Variants in NPIPB2 observed in about 807,000 individuals in gnomAD.
NPIPB2 encodes the protein nuclear pore complex interacting protein family member B2, also known as nuclear pore complex-interacting protein family member B2.
A neutral mutation model predicts 30.8 loss-of-function variants in NPIPB2; 27 were observed. The ratio of observed to expected loss-of-function variants is 0.88; its 90% confidence interval spans 0.65 to 1.21. The LOEUF (loss-of-function observed/expected upper bound fraction) is 1.21. NPIPB2 is among the 50% of genes most tolerant of loss of function. The pLI, the probability that NPIPB2 is intolerant of heterozygous loss-of-function variation, is 0.00. For missense variants in NPIPB2, 440 were observed against 446.2 expected (o/e 0.99, Z 0.13); for synonymous variants, 147 against 162.0 (o/e 0.91, Z 0.70).
chr16:11,964,228 G>GTTT (rs1319099537), intron 1 of NPIPB2, among the ~76,000 whole-genome samples: 13 of 144,938 alleles, frequency 9.0e-5, no homozygotes, highest in African/African-American at 3.5e-4. Context: ...TTTTTAAAAT[G>GTTT]GTTTTATCTG....
chr16:11,954,646 G>T (rs914891431), intron 1 of NPIPB2, among the ~76,000 whole-genome samples: 1 of 151,654 alleles, frequency 6.6e-6, no homozygotes, highest in Non-Finnish European at 1.5e-5. Context: ...GGTGGCTCAC[G>T]CCTCTAATCC....
chr16:11,973,976 G>A (rs558044742), intron 1 of NPIPB2, among the ~76,000 whole-genome samples: 8 of 152,170 alleles, frequency 5.3e-5, no homozygotes, highest in Non-Finnish European at 1.2e-4. Flanking sequence ...TTCTGAGAGG[G>A]TCTTTATCTT....
chr16:11,965,952 A>G (rs549383916), intron 1 of NPIPB2, among the ~76,000 whole-genome samples: 2 of 152,270 alleles, frequency 1.3e-5, no homozygotes, highest in East Asian at 3.9e-4. Flanking sequence ...TCTACTAAAA[A>G]TACAAAAAAT....
intron 1 of NPIPB2, among the ~76,000 whole-genome samples, chr16:11,952,524 C>T (rs2055076648): frequency 6.6e-6 from 1 of 151,542 alleles, no homozygotes; most frequent in Non-Finnish European, 1.5e-5. Flanking sequence ...CTAACCCCTA[C>T]ACCCGAAACT....
upstream of NPIPB2, chr16:11,942,116 T>C: frequency 6.5e-7 from 1 of 1,532,138 alleles, no homozygotes; most frequent in East Asian, 2.4e-5. Context: ...TCCATCAACC[T>C]GTATCTCAGG....
At chr16:11,938,937 A>G (rs7198016) in intron 1 of NPIPB2, among the ~76,000 whole-genome samples, 3 of 150,984 alleles carry the variant, frequency 2.0e-5, no homozygotes, top group African/African-American at 7.3e-5. Flanking sequence ...TAGTAGAAAC[A>G]GGGTTTCACC....
chr16:11,965,258 T>C, intron 1 of NPIPB2: 1 of 1,596,550 alleles, frequency 6.3e-7, no homozygotes, highest in Admixed American at 1.7e-5. Context: ...TCTGGAATTC[T>C]TGTAGAGATA....
chr16:11,949,374 G>A (rs369729351), intron 1 of NPIPB2, among the ~76,000 whole-genome samples: 153 of 152,250 alleles, frequency 1.0e-3, no homozygotes, highest in Non-Finnish European at 1.7e-3. Flanking sequence ...TGTGACCAGC[G>A]CTACATAGCT....
chr16:11,952,331 G>C (rs1271893467), intron 1 of NPIPB2, among the ~76,000 whole-genome samples: 1 of 151,682 alleles, frequency 6.6e-6, no homozygotes, highest in East Asian at 1.9e-4. Flanking sequence ...CTGGATGATA[G>C]AGCAAGACTC....
chr16:11,933,249 T>A, intron 4 of NPIPB2, among the ~76,000 whole-genome samples: 1 of 145,278 alleles, frequency 6.9e-6, no homozygotes, highest in African/African-American at 2.6e-5. Flanking sequence ...CAAAGCTCCA[T>A]CTCAGGAAAA....
At chr16:11,955,729 A>AAAG (rs2055104735) in intron 1 of NPIPB2, among the ~76,000 whole-genome samples, 3 of 56,154 alleles carry the variant, frequency 5.3e-5, no homozygotes, top group Admixed American at 2.4e-4. Context: ...TCAAAAAAAA[A>AAAG]AAAAGAAAAG....
rs138270055 is a variant in NPIPB2, at chr16:11,956,495, G to C, written c.-583-14381C>G. ...GTTTGAGACCAGCCTGACCAACATG[G>C]TGAAACCCCATCTCTATTAAAAATA... On this transcript the variant is annotated intron_variant, in intron 1 of 5. Transcript: ENST00000538896. Among the ~76,000 whole-genome samples the C allele has an allele frequency of 5.8e-3, 889 of 152,232 alleles. 13 individuals are homozygous for C. Among genetic ancestry groups the C allele is most frequent in the African/African-American group, 0.02 (845 of 41,530 alleles).
upstream of NPIPB2, among the ~76,000 whole-genome samples, chr16:11,945,345 C>T (rs1224198965): frequency 1.3e-5 from 2 of 152,082 alleles, no homozygotes; most frequent in Non-Finnish European, 2.9e-5. Context: ...GGCACCACTG[C>T]AGTCCAGCCT....
At chr16:11,963,119 C>T (rs892837310) in intron 1 of NPIPB2, among the ~76,000 whole-genome samples, 1 of 152,210 alleles carries the variant, frequency 6.6e-6, no homozygotes, top group Admixed American at 6.6e-5. Flanking sequence ...GTGGCTCATG[C>T]CTGTAATCCC....
At chr16:11,974,521 T>TA (rs1052741166) in intron 1 of NPIPB2, among the ~76,000 whole-genome samples, 6 of 149,714 alleles carry the variant, frequency 4.0e-5, no homozygotes, top group Non-Finnish European at 6.0e-5. Flanking sequence ...CATCTCAAAA[T>TA]AAAAAAAACA....
chr16:11,931,785 T>TA (rs1336640891), intron 4 of NPIPB2, among the ~76,000 whole-genome samples: 4 of 150,508 alleles, frequency 2.7e-5, no homozygotes, highest in African/African-American at 9.8e-5. Context: ...AAACAGAATA[T>TA]AAAACCCATG....
exon 8 of NPIPB2, chr16:11,927,693 A>T: frequency 6.2e-7 from 1 of 1,600,214 alleles, no homozygotes; most frequent in South Asian, 1.1e-5. Flanking sequence ...TCATCCGCTG[A>T]GGGTGGAAGG....
chr16:11,940,758 TAAAAAAAAAAA>T (rs1205186064), intron 1 of NPIPB2, among the ~76,000 whole-genome samples: 1 of 47,158 alleles, frequency 2.1e-5, no homozygotes, highest in Non-Finnish European at 3.9e-5. Context: ...AGACTCTGTC[TAAAAAAAAAAA>T]AAAAAAAAAA....
intron 1 of NPIPB2, among the ~76,000 whole-genome samples, chr16:11,956,962 G>T (rs1428262122): frequency 2.0e-5 from 3 of 152,036 alleles, no homozygotes; most frequent in Admixed American, 2.0e-4. Flanking sequence ...TGCCAAGATG[G>T]CTATTATTTT....
Sources: allele counts gnomAD v4.1 joint callset (sites outside exome capture counted in the v4.1 genomes callset), GRCh38; gene constraint gnomAD v4.1.1; transcripts MANE v1.5; gene names NCBI Gene and HGNC (gene_info 2026-07-23, HGNC 2026-07-21).